INO80: variants seen among roughly 807,000 people sequenced by gnomAD.
The protein encoded by INO80 is chromatin-remodeling ATPase INO80.
Under a neutral mutation model 203.4 loss-of-function variants are expected in INO80, and 20 were observed. The observed-to-expected ratio is 0.10, with a 90% CI of 0.07 to 0.14. INO80 has a LOEUF of 0.14. Ranked by LOEUF, INO80 falls within the 10% of genes least tolerant of loss-of-function variation. INO80 has a pLI of 1.00. For missense variants in INO80, 1,419 were observed against 1,914.4 expected, an observed-to-expected ratio of 0.74 and a Z score of 4.83; for synonymous variants, 726 against 685.2, an observed-to-expected ratio of 1.06 and a Z score of -0.93.
chr15:41,024,493 A>C (rs1410523627), intron 25 of INO80: 2 of 152,090 alleles, frequency 1.3e-5, no homozygotes, highest in Non-Finnish European at 2.9e-5. Context: ...ACAGGAGCTA[A>C]CCCCTTTCTT....
chr15:41,085,290 T>C, intron 7 of INO80, 79 bp downstream of exon 7: 1 of 1,209,728 alleles, frequency 8.3e-7, no homozygotes, highest in East Asian at 2.3e-5. Context: ...TGAAAGTATC[T>C]AGCTCTCAGA....
intron 4 of INO80, among the ~76,000 whole-genome samples, chr15:41,092,594 T>C (rs1044768386): frequency 4.6e-5 from 7 of 152,112 alleles, no homozygotes; most frequent in African/African-American, 1.2e-4. Context: ...TATCCATTTA[T>C]TGATAAATGG....
intron 4 of INO80, among the ~76,000 whole-genome samples, chr15:41,094,386 G>A (rs533624598): frequency 2.0e-4 from 31 of 152,164 alleles, no homozygotes; most frequent in African/African-American, 5.3e-4. Context: ...CCTTCTGACC[G>A]AAATGCCGTT....
intron 27 of INO80, among the ~76,000 whole-genome samples, chr15:41,012,235 C>G (rs1296838953): frequency 6.6e-6 from 1 of 152,190 alleles, no homozygotes; most frequent in East Asian, 1.9e-4. Context: ...CCCAAATGCA[C>G]AGGGATTATG....
chr15:41,006,869 G>C (rs1291295258), intron 27 of INO80, among the ~76,000 whole-genome samples: 1 of 152,134 alleles, frequency 6.6e-6, no homozygotes, highest in African/African-American at 2.4e-5. Context: ...TAATCAAAGA[G>C]AAGCATAAAA....
In INO80 at chr15:41,059,798, T is replaced by C. The variant is rs1596301242; in HGVS notation, c.1842+69A>G. Reference sequence around the variant, plus strand: ...GAAGATTTTTGTCTAAAAGAAATTATCCACATCAATTAGAGAAATAATGAC... The same window carrying C: ...GAAGATTTTTGTCTAAAAGAAATTACCCACATCAATTAGAGAAATAATGAC... On this transcript the variant is annotated intron_variant, in intron 15 of 35. Coordinates refer to ENST00000648947, the MANE Select transcript of INO80 (RefSeq NM_017553.3). 12 of 1,001,364 alleles carry C rather than the reference T, an allele frequency of 1.2e-5. 1 individual carries two copies. Among genetic ancestry groups the C allele is most frequent in the Middle Eastern group, 2.2e-4 (1 of 4,626 alleles). 62.0% of individuals were successfully genotyped at this position (1,001,364 alleles called of 1,614,324 possible).
chr15:41,037,407 G>A (rs1297107858), intron 24 of INO80, among the ~76,000 whole-genome samples: 9 of 151,886 alleles, frequency 5.9e-5, no homozygotes, highest in African/African-American at 2.4e-5. Context: ...GGGAGGCTGA[G>A]GCAGGAGACT....
intron 25 of INO80, 101 bp from the exon 26 acceptor site, chr15:41,021,226 C>G: frequency 2.7e-6 from 2 of 742,166 alleles, no homozygotes; most frequent in Non-Finnish European, 4.6e-6. Context: ...GTGGATAGTT[C>G]TTAGACTAGT....
chr15:41,021,782 C>T (rs2044298828), intron 25 of INO80, among the ~76,000 whole-genome samples: 1 of 152,188 alleles, frequency 6.6e-6, no homozygotes, highest in Admixed American at 6.5e-5. Flanking sequence ...AAAGGCTATA[C>T]ACAAATTCTT....
intron 34 of INO80, chr15:40,983,352 A>T (rs2140407082): frequency 2.2e-6 from 1 of 457,890 alleles, no homozygotes; most frequent in East Asian, 4.3e-5. Flanking sequence ...AAATTTGTCC[A>T]TTACAAAGGG....
chr15:41,097,222 T>C (rs1193677307), intron 1 of INO80, among the ~76,000 whole-genome samples: 3 of 151,956 alleles, frequency 2.0e-5, no homozygotes, highest in African/African-American at 4.8e-5. Flanking sequence ...ATTTTTGTAT[T>C]TTTAGTGGAG....
intron 1 of INO80, among the ~76,000 whole-genome samples, chr15:41,111,423 C>T (rs1314574484): frequency 6.7e-5 from 10 of 149,822 alleles, no homozygotes; most frequent in East Asian, 2.0e-4. Context: ...TCCAGCCTGG[C>T]GAGAGAGCGA....
intron 1 of INO80, among the ~76,000 whole-genome samples, chr15:41,109,597 G>C (rs945869958): frequency 5.9e-5 from 9 of 152,046 alleles, no homozygotes; most frequent in African/African-American, 1.9e-4. Flanking sequence ...AGGAGTTCGA[G>C]ATCAGCCTGG....
chr15:41,096,725 T>G (rs895398973), intron 1 of INO80, among the ~76,000 whole-genome samples: 1 of 152,214 alleles, frequency 6.6e-6, no homozygotes, highest in African/African-American at 2.4e-5. Context: ...CTCACTGTTG[T>G]GCACCTCAGA....
At position 41,070,567 on chromosome 15, in the gene INO80, G is replaced by T. The variant is rs762203038; in HGVS notation, c.1606-20C>A. 2 of 1,572,748 alleles carry T rather than the reference G, an allele frequency of 1.3e-6. No individual in the cohort carries two copies. Among genetic ancestry groups the T allele is most frequent in the Non-Finnish European group, 1.8e-6 (2 of 1,142,696 alleles). ...AATACCCTGGGGAAAAAAAATACAT[G>T]GTCAACACCTCATGCATTTCATCAA... On this transcript the variant is annotated intron_variant, in intron 12 of 35. Coordinates refer to ENST00000648947, the MANE Select transcript of INO80 (RefSeq NM_017553.3).
At chr15:41,048,358 TA>T (rs1456233706) in intron 21 of INO80, 82 bp from the exon 22 acceptor site, 3 of 1,044,162 alleles carry the variant, frequency 2.9e-6, no homozygotes, top group East Asian at 4.8e-5. Flanking sequence ...CCATAGCAAG[TA>T]AAACCTTTTA....
chr15:41,009,422 C>G (rs887822044), intron 27 of INO80, among the ~76,000 whole-genome samples: 1 of 139,220 alleles, frequency 7.2e-6, no homozygotes, highest in Non-Finnish European at 1.5e-5. Flanking sequence ...GTTATGTTCC[C>G]CTTCCTGTGT....
At chr15:41,041,705 A>C (rs1485607155) in intron 24 of INO80, among the ~76,000 whole-genome samples, 2 of 152,084 alleles carry the variant, frequency 1.3e-5, no homozygotes, top group Non-Finnish European at 2.9e-5. Flanking sequence ...GGCCTCCCAA[A>C]GTACTGGGAT....
intron 10 of INO80, 48 bp from the exon 11 acceptor site, chr15:41,073,543 T>A (rs1292473569): frequency 2.1e-6 from 3 of 1,447,510 alleles, no homozygotes; most frequent in Non-Finnish European, 2.9e-6. Flanking sequence ...ACTGATTTTG[T>A]TCTAAGATAC....
Sources: allele counts gnomAD v4.1 joint callset (sites outside exome capture counted in the v4.1 genomes callset), GRCh38; gene constraint gnomAD v4.1.1; transcripts MANE v1.5; gene names NCBI Gene and HGNC (gene_info 2026-07-23, HGNC 2026-07-21).